ANK2: variants seen among roughly 807,000 people sequenced by gnomAD.
ANK2 encodes ankyrin-2.
A neutral mutation model predicts 360.5 loss-of-function variants in ANK2; 83 were observed. That is an observed-to-expected ratio of 0.23 (90% CI 0.19 to 0.28). ANK2 has a LOEUF of 0.28. ANK2 is among the 10% of genes least tolerant of loss of function. The pLI is 1.00. For missense variants in ANK2, 4,201 were observed against 4,795.7 expected (o/e 0.88, Z 3.66); for synonymous variants, 1,740 against 1,759.5 (o/e 0.99, Z 0.28).
At chr4:113,294,905 G>A (rs1048426515) in intron 22 of ANK2, among the ~76,000 whole-genome samples, 4 of 152,120 alleles carry the variant, frequency 2.6e-5, no homozygotes, top group African/African-American at 9.6e-5. Flanking sequence ...CATATTAAGG[G>A]CCTACACATA....
At chr4:112,928,598 AGTGTGG>A (rs2092839507) in intron 2 of ANK2, among the ~76,000 whole-genome samples, 1 of 152,080 alleles carries the variant, frequency 6.6e-6, no homozygotes, top group Non-Finnish European at 1.5e-5. Context: ...TGAAATCATG[AGTGTGG>A]GTCCTAATCC....
intron 1 of ANK2, among the ~76,000 whole-genome samples, chr4:112,882,537 ATG>A (rs1018625498): frequency 1.3e-4 from 20 of 152,130 alleles, no homozygotes; most frequent in Non-Finnish European, 1.6e-4. Flanking sequence ...GGGGGTGGGA[ATG>A]TGCCAGCTGT....
chr4:113,316,480 T>G (rs1459692489), intron 24 of ANK2, among the ~76,000 whole-genome samples: 1 of 152,224 alleles, frequency 6.6e-6, no homozygotes, highest in African/African-American at 2.4e-5. Flanking sequence ...TAAATATACT[T>G]GCAAAATGAA....
At chr4:113,368,438 T>C (rs757719832) in intron 42 of ANK2, among the ~76,000 whole-genome samples, 4 of 151,710 alleles carry the variant, frequency 2.6e-5, no homozygotes, top group South Asian at 4.2e-4. Flanking sequence ...TTAAAATGAG[T>C]TGGAATAGAG....
chr4:113,255,650 A>T, intron 10 of ANK2, 85 bp from the exon 11 acceptor site: 1 of 1,407,526 alleles, frequency 7.1e-7, no homozygotes, highest in South Asian at 1.2e-5. Context: ...TGTGTTAGAG[A>T]TCAAGAATCA....
chr4:113,264,433 C>T (rs2054751911), intron 13 of ANK2, among the ~76,000 whole-genome samples: 1 of 152,086 alleles, frequency 6.6e-6, no homozygotes. Flanking sequence ...TAAAGGGATG[C>T]TTAAGCTGCT....
intron 10 of ANK2, among the ~76,000 whole-genome samples, chr4:113,250,728 C>T (rs979943990): frequency 6.8e-6 from 1 of 147,664 alleles, no homozygotes; most frequent in Non-Finnish European, 1.5e-5. Flanking sequence ...TGTATTTTCT[C>T]CCTATTCCAT....
intron 2 of ANK2, among the ~76,000 whole-genome samples, chr4:113,183,485 A>G (rs1470444251): frequency 6.6e-6 from 1 of 152,206 alleles, no homozygotes; most frequent in Admixed American, 6.5e-5. Flanking sequence ...GAGAAACACA[A>G]GGGAACTGAG....
At chr4:112,808,155 C>A in the ANK2 span, among the ~76,000 whole-genome samples, 1 of 152,180 alleles carries the variant, frequency 6.6e-6, no homozygotes, top group Non-Finnish European at 1.5e-5. Context: ...GCATTAATAA[C>A]AGCTGAGTGT....
At chr4:112,973,054 A>G (rs948730726) in intron 2 of ANK2, among the ~76,000 whole-genome samples, 3 of 152,078 alleles carry the variant, frequency 2.0e-5, no homozygotes, top group Admixed American at 6.5e-5. Context: ...ATAAAAGACT[A>G]CTTACTGGGA....
chr4:113,278,958 A>G (rs375886739), intron 17 of ANK2, among the ~76,000 whole-genome samples: 3 of 151,820 alleles, frequency 2.0e-5, no homozygotes, highest in East Asian at 3.9e-4. Flanking sequence ...TCAAACTTCT[A>G]TTTGTTTCTT....
At chr4:113,001,560 T>G (rs1218862860) in intron 2 of ANK2, among the ~76,000 whole-genome samples, 1 of 152,166 alleles carries the variant, frequency 6.6e-6, no homozygotes, top group Non-Finnish European at 1.5e-5. Context: ...ATATTTTAAT[T>G]AAGTGAAAAT....
intron 1 of ANK2, among the ~76,000 whole-genome samples, chr4:112,818,615 G>T (rs2056060231): frequency 6.6e-6 from 1 of 152,220 alleles, no homozygotes; most frequent in Non-Finnish European, 1.5e-5. Context: ...AGAGGGGCAA[G>T]AGGGTGGTGG....
chr4:113,125,114 A>C (rs1484010520), intron 1 of ANK2, among the ~76,000 whole-genome samples: 1 of 152,170 alleles, frequency 6.6e-6, no homozygotes, highest in Non-Finnish European at 1.5e-5. Flanking sequence ...ATTAATTACC[A>C]ATTTTAACTC....
the ANK2 span, among the ~76,000 whole-genome samples, chr4:112,767,667 A>G: frequency 6.6e-6 from 1 of 152,222 alleles, no homozygotes; most frequent in Non-Finnish European, 1.5e-5. Context: ...AATGGGCAGC[A>G]GGAAATAATA....
chr4:113,280,981 G>A (rs1204497978), intron 17 of ANK2, among the ~76,000 whole-genome samples: 1 of 152,156 alleles, frequency 6.6e-6, no homozygotes, highest in African/African-American at 2.4e-5. Context: ...CACAAATACA[G>A]TATTTTGAAG....
At chr4:112,978,403 C>T (rs907648554) in intron 2 of ANK2, among the ~76,000 whole-genome samples, 1 of 152,172 alleles carries the variant, frequency 6.6e-6, no homozygotes, top group South Asian at 2.1e-4. Context: ...ATTCACATTG[C>T]TGTGCAACCA....
At chr4:113,195,526 AC>A (rs1218831672) in intron 2 of ANK2, among the ~76,000 whole-genome samples, 1 of 152,128 alleles carries the variant, frequency 6.6e-6, no homozygotes, top group Non-Finnish European at 1.5e-5. Flanking sequence ...TATGTGTAAA[AC>A]AGTGTATTTC....
At chr4:112,834,953 A>G (rs2060688024) in intron 1 of ANK2, among the ~76,000 whole-genome samples, 1 of 152,106 alleles carries the variant, frequency 6.6e-6, no homozygotes, top group African/African-American at 2.4e-5. Flanking sequence ...TATCCCTTAT[A>G]TTTGAGTCTT....
Sources: gnomAD v4.1 joint callset for allele counts (sites outside exome capture counted in the v4.1 genomes callset) on GRCh38, gnomAD v4.1.1 for gene constraint, MANE v1.5 for transcripts, NCBI Gene and HGNC (gene_info 2026-07-23, HGNC 2026-07-21) for gene names.